Variants in CERT1 observed in about 807,000 individuals in gnomAD.
The protein encoded by CERT1 is ceramide transfer protein.
Under a neutral mutation model 87.9 loss-of-function variants are expected in CERT1, and 31 were observed. That is an observed-to-expected ratio of 0.35 (90% confidence interval 0.27 to 0.48). The LOEUF (loss-of-function observed/expected upper bound fraction) is 0.48. Among genes scored for constraint, CERT1 ranks in the 20% least tolerant of loss-of-function variants. CERT1 has a pLI of 0.99. For synonymous variants in CERT1, 289 were observed against 250.9 expected (o/e 1.15, Z -1.44); for missense variants, 487 against 758.0 (o/e 0.64, Z 4.20).
At chr5:75,414,975 G>A (rs577343312) in intron 7 of CERT1, among the ~76,000 whole-genome samples, 67 of 151,924 alleles carry the variant, frequency 4.4e-4, no homozygotes, top group Non-Finnish European at 5.6e-4. Flanking sequence ...CCTGAAAGAC[G>A]TATTTGTTGA....
At chr5:75,475,951 G>A (rs534012407) in intron 2 of CERT1, among the ~76,000 whole-genome samples, 11 of 152,256 alleles carry the variant, frequency 7.2e-5, no homozygotes, top group Admixed American at 6.5e-4. Flanking sequence ...TGTGCAAATA[G>A]TGAAAACATT....
intron 16 of CERT1, 135 bp from the exon 17 acceptor site, chr5:75,379,608 A>ATCC (rs1761475671): frequency 1.2e-6 from 1 of 829,656 alleles, no homozygotes; most frequent in African/African-American, 1.7e-5. Context: ...TCTTTTTGAG[A>ATCC]CGGAGTCTTG....
intron 3 of CERT1, among the ~76,000 whole-genome samples, chr5:75,441,509 A>G (rs966703718): frequency 6.6e-6 from 1 of 152,212 alleles, no homozygotes; most frequent in African/African-American, 2.4e-5. Flanking sequence ...TTTATTATAC[A>G]ATTAATCTCC....
chr5:75,374,890 G>T (rs1042005016), downstream of CERT1: 4 of 388,244 alleles, frequency 1.0e-5, no homozygotes, highest in African/African-American at 6.3e-5. Context: ...ATTGCATGCT[G>T]AGTGTATCTG....
intron 3 of CERT1, among the ~76,000 whole-genome samples, chr5:75,450,641 A>G (rs1764734292): frequency 6.6e-6 from 1 of 152,180 alleles, no homozygotes; most frequent in African/African-American, 2.4e-5. Flanking sequence ...GCAGCCACCC[A>G]TGAGACTTCA....
At chr5:75,476,339 A>G (rs1009877464) in intron 2 of CERT1, among the ~76,000 whole-genome samples, 1 of 151,388 alleles carries the variant, frequency 6.6e-6, no homozygotes, top group African/African-American at 2.4e-5. Flanking sequence ...TTTTTTTTGC[A>G]CCTATCACTA....
chr5:75,457,493 A>G (rs1472311647), intron 3 of CERT1, among the ~76,000 whole-genome samples: 1 of 152,180 alleles, frequency 6.6e-6, no homozygotes, highest in Non-Finnish European at 1.5e-5. Flanking sequence ...TAGAAAAACA[A>G]TAATTTTTTT....
chr5:75,484,101 G>A (rs1045439561), intron 2 of CERT1, among the ~76,000 whole-genome samples: 2 of 151,954 alleles, frequency 1.3e-5, no homozygotes, highest in Admixed American at 6.6e-5. Flanking sequence ...AAATTATAGA[G>A]TTTTTATGAA....
At chr5:75,382,277 A>AT (rs548664523) in intron 14 of CERT1, among the ~76,000 whole-genome samples, 200 bp from the exon 15 acceptor site, 1 of 152,176 alleles carries the variant, frequency 6.6e-6, no homozygotes, top group South Asian at 2.1e-4. Context: ...ATAATGTTCT[A>AT]TTTTTTTAAT....
intron 5 of CERT1, among the ~76,000 whole-genome samples, chr5:75,422,123 TG>T (rs1430262301): frequency 6.6e-6 from 1 of 152,146 alleles, no homozygotes; most frequent in East Asian, 1.9e-4. Flanking sequence ...CCTCAACCCC[TG>T]AATATTCTGG....
At chr5:75,468,568 G>A (rs73764910) in intron 2 of CERT1, among the ~76,000 whole-genome samples, 11,921 of 152,020 alleles carry the variant, frequency 0.078, 563 homozygotes, top group South Asian at 0.17. Flanking sequence ...TCAATCTCTG[G>A]CTCCCATCAC....
intron 2 of CERT1, among the ~76,000 whole-genome samples, chr5:75,466,190 A>G (rs1007952030): frequency 2.0e-5 from 3 of 152,118 alleles, no homozygotes; most frequent in Admixed American, 1.3e-4. Context: ...TCAATGTGGG[A>G]CATTAGATAA....
At position 75,411,371 on chromosome 5, in the gene CERT1, T is replaced by C. The variant is rs1311289566; in HGVS notation, c.838-268A>G. Among the ~76,000 whole-genome samples the C allele has an allele frequency of 2.0e-5, 3 of 152,218 alleles. No homozygotes were observed. In the East Asian group the frequency reaches 5.8e-4, roughly 29 times the overall value. ...CTCTGTCACCCAGGCTGGAGTGCAA[T>C]GGCATGGTCTCGGCTCACTGCAACC... On this transcript the variant is annotated intron_variant, in intron 7 of 16. Coordinates refer to ENST00000643780, the MANE Select transcript of CERT1 (RefSeq NM_001379029.1).
At chr5:75,488,087 T>C (rs898678395) in intron 2 of CERT1, among the ~76,000 whole-genome samples, 1 of 151,968 alleles carries the variant, frequency 6.6e-6, no homozygotes, top group African/African-American at 2.4e-5. Context: ...TGTGGAGGGT[T>C]AATAAGTACA....
chr5:75,436,095 C>T (rs1300981133), intron 3 of CERT1, among the ~76,000 whole-genome samples: 1 of 152,084 alleles, frequency 6.6e-6, no homozygotes, highest in Non-Finnish European at 1.5e-5. Context: ...TGCAGCGGTG[C>T]GATCTTGGCG....
intron 2 of CERT1, among the ~76,000 whole-genome samples, chr5:75,489,891 C>T (rs540536795): frequency 6.6e-6 from 1 of 152,298 alleles, no homozygotes; most frequent in Non-Finnish European, 1.5e-5. Flanking sequence ...TTACAAATCA[C>T]TCTTCTATAA....
chr5:75,458,095 T>TAA (rs1052887868), intron 3 of CERT1, among the ~76,000 whole-genome samples: 3 of 152,090 alleles, frequency 2.0e-5, no homozygotes, highest in African/African-American at 7.2e-5. Context: ...AAGCAAAACT[T>TAA]CTCTTAAGTC....
intron 2 of CERT1, among the ~76,000 whole-genome samples, chr5:75,465,859 T>C (rs1240021197): frequency 6.6e-6 from 1 of 151,818 alleles, no homozygotes; most frequent in East Asian, 1.9e-4. Flanking sequence ...AAAGGGGGGG[T>C]AGAGAAGGAC....
chr5:75,510,625 G>A (rs1261256595), intron 1 of CERT1, among the ~76,000 whole-genome samples: 2 of 152,106 alleles, frequency 1.3e-5, no homozygotes, highest in African/African-American at 4.8e-5. Context: ...ATCTAACCTA[G>A]CAGAATTCAA....
Sources: allele counts gnomAD v4.1 joint callset (sites outside exome capture counted in the v4.1 genomes callset), GRCh38; gene constraint gnomAD v4.1.1; transcripts MANE v1.5; gene names NCBI Gene and HGNC (gene_info 2026-07-23, HGNC 2026-07-21).